FAM168B: variants seen among roughly 807,000 people sequenced by gnomAD.
FAM168B encodes the protein myelin-associated neurite-outgrowth inhibitor.
In FAM168B, 19 loss-of-function variants were observed where a neutral mutation model predicts 21.8. That is an observed-to-expected ratio of 0.87 (90% CI 0.61 to 1.28). The LOEUF is 1.28. Ranked by LOEUF, FAM168B falls within the 50% of genes most tolerant of loss-of-function variation. The pLI, the probability that FAM168B is intolerant of heterozygous loss-of-function variation, is 0.00. For synonymous variants in FAM168B, 126 were observed against 104.8 expected, an observed-to-expected ratio of 1.20 and a Z score of -1.24; for missense variants, 233 against 263.1, an observed-to-expected ratio of 0.89 and a Z score of 0.79.
intron 2 of FAM168B, among the ~76,000 whole-genome samples, chr2:131,076,185 T>C (rs11900545): frequency 0.28 from 41,896 of 152,064 alleles, 9,515 homozygotes; most frequent in African/African-American, 0.63. Flanking sequence ...TTCCAAGCAA[T>C]GGAGTTAAGA....
rs138689231 is a variant in FAM168B at position 131,067,567 on chromosome 2, C to T, written c.154+4288G>A. Among the ~76,000 whole-genome samples the T allele has an allele frequency of 6.6e-5, 10 of 152,092 alleles. No individual in the cohort carries two copies. The East Asian group carries it at 1.9e-3, about 29-fold the overall frequency. On this transcript the variant is annotated intron_variant, in intron 3 of 6. Transcript: ENST00000389915. ...ACCAGCTTGGGCAATACAGTGAGAC[C>T]CCATCTCTACAAAAATTTTTAAAAA... is the stretch of plus-strand genomic sequence containing the variant.
At chr2:131,062,282 C>T (rs1236292363) in intron 3 of FAM168B, among the ~76,000 whole-genome samples, 1 of 152,194 alleles carries the variant, frequency 6.6e-6, no homozygotes, top group African/African-American at 2.4e-5. Flanking sequence ...ATCTGGCCCA[C>T]CACAGCCACT....
chr2:131,087,496 A>T (rs972328802), intron 1 of FAM168B, among the ~76,000 whole-genome samples: 24 of 152,186 alleles, frequency 1.6e-4, no homozygotes, highest in Non-Finnish European at 2.9e-4. Flanking sequence ...ATAATAATTA[A>T]AGGGCAGCAT....
In FAM168B at chr2:131,050,476, T is replaced by C; in HGVS notation, c.*1989A>G. 3.0e-6 allele frequency: 3 copies of C among 985,756 alleles called. No homozygotes were observed. The highest frequency in any genetic ancestry group is 3.6e-6 in the Non-Finnish European group (3 of 829,874). The allele number at this position is 985,756 out of a possible 1,614,324, so 61.1% of individuals were successfully genotyped here. The stretch of plus-strand genomic sequence containing the variant: ...CTTGAAGAAAGGGGCACAAACTGTG[T>C]GCCTGCGGTAAATGTCTGCCCCCAC... On this transcript the variant is annotated 3_prime_UTR_variant, in exon 7 of 7. Coordinates refer to ENST00000389915, the MANE Select transcript of FAM168B (RefSeq NM_001009993.4).
chr2:131,056,185 C>T (rs1270147975), intron 3 of FAM168B, among the ~76,000 whole-genome samples: 1 of 152,160 alleles, frequency 6.6e-6, no homozygotes, highest in Non-Finnish European at 1.5e-5. Flanking sequence ...GAGAAACTTG[C>T]CCAGCACCAG....
chr2:131,048,269 G>A lies in FAM168B; in HGVS notation c.*4196C>T, dbSNP rs1347108878. The A allele has an allele frequency of 1.5e-6, 2 of 1,304,134 alleles. No individual in the cohort carries two copies. Among genetic ancestry groups the A allele is most frequent in the African/African-American group, 3.0e-5 (2 of 65,880 alleles). The allele number at this position is 1,304,134 out of a possible 1,614,324, so 80.8% of individuals were successfully genotyped here. On this transcript the variant is annotated 3_prime_UTR_variant, in exon 7 of 7. Coordinates refer to ENST00000389915, the MANE Select transcript of FAM168B (RefSeq NM_001009993.4). ...GTGGCCAGCACAGCAACCCTGCTAG[G>A]AGCACAAACGGCTGGCCTGAGATCT...
chr2:131,064,588 G>A (rs924953142), intron 3 of FAM168B, among the ~76,000 whole-genome samples: 11 of 152,152 alleles, frequency 7.2e-5, no homozygotes, highest in African/African-American at 9.7e-5. Flanking sequence ...CGAAGTGTGC[G>A]TGCAGAATAA....
At position 131,051,382 on chromosome 2, in the gene FAM168B, T is replaced by C. The variant is rs1691666283; in HGVS notation, c.*1083A>G. ...TTCCCTTTTAACTCATTCTTAAATA[T>C]ACCACTTTCTTCATAACATACAGCT... On this transcript the variant is annotated 3_prime_UTR_variant, in exon 7 of 7. Transcript: ENST00000389915. 1 of 985,214 alleles carries C rather than the reference T, an allele frequency of 1.0e-6. No individual in the cohort carries two copies. Among genetic ancestry groups the C allele is most frequent in the African/African-American group, 1.7e-5 (1 of 57,266 alleles). 61.0% of individuals were successfully genotyped at this position (985,214 alleles called of 1,614,324 possible).
At chr2:131,066,595 G>C (rs1167644871) in intron 3 of FAM168B, among the ~76,000 whole-genome samples, 1 of 152,180 alleles carries the variant, frequency 6.6e-6, no homozygotes, top group Non-Finnish European at 1.5e-5. Flanking sequence ...ACCAATATTA[G>C]TTACAGGTAC....
intron 1 of FAM168B, among the ~76,000 whole-genome samples, chr2:131,086,647 T>A (rs17665310): frequency 0.5 from 76,267 of 152,080 alleles, 22,733 homozygotes; most frequent in East Asian, 0.76. Flanking sequence ...GTAAGTGAAT[T>A]TTTAGTTTAA....
At position 131,049,157 on chromosome 2, in the gene FAM168B, TG is replaced by T; in HGVS notation, c.*3307del. 1 of 985,366 alleles carries T rather than the reference TG, an allele frequency of 1.0e-6. No homozygotes were observed. The highest frequency in any genetic ancestry group is 5.2e-4 in the Middle Eastern group (1 of 1,914). 61.0% of individuals were successfully genotyped at this position (985,366 alleles called of 1,614,324 possible). A position where few individuals can be genotyped will look rare whatever the true frequency, so the allele number is the denominator to read the frequency against. ...AGTACGTCGCAAGTTGCTGTAATAA[TG>T]TATTTCCTCTCGTTACTGTTGTGTC... On this transcript the variant is annotated 3_prime_UTR_variant, in exon 7 of 7. Coordinates refer to ENST00000389915, the MANE Select transcript of FAM168B (RefSeq NM_001009993.4).
At chr2:131,072,065 CTA>C in intron 2 of FAM168B, 127 bp from the exon 3 acceptor site, 1 of 728,488 alleles carries the variant, frequency 1.4e-6, no homozygotes, top group South Asian at 1.6e-5. Flanking sequence ...CCCAAGAGCA[CTA>C]TGTGTGGCCA....
chr2:131,055,843 G>C (rs1311141057), intron 3 of FAM168B, 148 bp from the exon 4 acceptor site: 3 of 933,832 alleles, frequency 3.2e-6, no homozygotes, highest in African/African-American at 1.7e-5. Flanking sequence ...CCTCCACTAA[G>C]ATCTGACTTC....
At chr2:131,077,600 A>G (rs1235259224) in intron 2 of FAM168B, among the ~76,000 whole-genome samples, 2 of 152,238 alleles carry the variant, frequency 1.3e-5, no homozygotes, top group Non-Finnish European at 2.9e-5. Context: ...ATTAGGATCT[A>G]CAGCCTTGTT....
intron 1 of FAM168B, among the ~76,000 whole-genome samples, chr2:131,086,124 G>A (rs1292149635): frequency 6.6e-6 from 1 of 152,132 alleles, no homozygotes; most frequent in African/African-American, 2.4e-5. Flanking sequence ...CTAGTCCCCT[G>A]TACTTTTAAC....
chr2:131,071,332 G>A (rs1191887988), intron 3 of FAM168B, among the ~76,000 whole-genome samples: 5 of 152,168 alleles, frequency 3.3e-5, no homozygotes, highest in Non-Finnish European at 7.3e-5. Context: ...ACACCAGAGA[G>A]TGCAGGCTCC....
intron 2 of FAM168B, among the ~76,000 whole-genome samples, chr2:131,080,914 C>T (rs1411692218): frequency 6.6e-6 from 1 of 151,998 alleles, no homozygotes; most frequent in Admixed American, 6.6e-5. Context: ...TCATGATCTG[C>T]CTGCCTCGGC....
rs577486562 is a variant in FAM168B, at chr2:131,048,126, A to T, written c.*4339T>A. The T allele has an allele frequency of 2.5e-5, 29 of 1,167,002 alleles. No individual in the cohort carries two copies. The highest frequency in any genetic ancestry group is 5.1e-4 in the Middle Eastern group (2 of 3,958). The allele number at this position is 1,167,002 out of a possible 1,614,324, so 72.3% of individuals were successfully genotyped here. On this transcript the variant is annotated 3_prime_UTR_variant, in exon 7 of 7. Coordinates refer to ENST00000389915, the MANE Select transcript of FAM168B (RefSeq NM_001009993.4). ...CTGGAAGACAATGCTGACTTAGCTT[A>T]AAAAAAGTACCGAGAGAACGGTGTA... is the stretch of plus-strand genomic sequence containing the variant.
chr2:131,055,823 C>T, intron 3 of FAM168B, 128 bp from the exon 4 acceptor site: 1 of 1,064,660 alleles, frequency 9.4e-7, no homozygotes, highest in Non-Finnish European at 1.3e-6. Context: ...GCCACTGCCG[C>T]CCCCACTCTC....
Sources: allele counts gnomAD v4.1 joint callset (sites outside exome capture counted in the v4.1 genomes callset), GRCh38; gene constraint gnomAD v4.1.1; transcripts MANE v1.5; gene names NCBI Gene and HGNC (gene_info 2026-07-23, HGNC 2026-07-21).